The following ZNF138 variants were observed in gnomAD, a reference collection of about 807,000 sequenced individuals.
The protein encoded by ZNF138 is zinc finger protein 138 (clone pHZ-32).
Under a neutral mutation model 33.0 loss-of-function variants are expected in ZNF138, and 33 were observed. That is an observed-to-expected ratio of 1.00 (90% CI 0.76 to 1.34). The LOEUF (loss-of-function observed/expected upper bound fraction) is 1.34, where lower values mean the gene tolerates loss of function less well. Among genes scored for constraint, ZNF138 ranks in the 40% most tolerant of loss-of-function variants. ZNF138 has a pLI of 0.00. For missense variants in ZNF138, 360 were observed against 370.8 expected, an observed-to-expected ratio of 0.97 and a Z score of 0.24; for synonymous variants, 139 against 120.4, an observed-to-expected ratio of 1.15 and a Z score of -1.01.
chr7:64,800,289 G>A (rs1389158951), intron 1 of ZNF138, among the ~76,000 whole-genome samples: 2 of 152,178 alleles, frequency 1.3e-5, no homozygotes, highest in East Asian at 3.9e-4. Flanking sequence ...ATGGAGAAAT[G>A]CTTCCAGTTT....
intron 1 of ZNF138, among the ~76,000 whole-genome samples, chr7:64,809,730 C>T (rs200673529): frequency 0.97 from 122,492 of 126,078 alleles, 59,512 homozygotes; most frequent in Non-Finnish European, 0.99. Context: ...AGGGTCTCCT[C>T]ACTTCTCAGA....
intron 1 of ZNF138, among the ~76,000 whole-genome samples, chr7:64,801,727 A>G (rs1384816287): frequency 1.3e-5 from 2 of 152,152 alleles, no homozygotes; most frequent in East Asian, 1.9e-4. Context: ...TGCCTCAATA[A>G]TGTGTCTAAT....
chr7:64,827,251 C>CTTTT (rs35317442), intron 3 of ZNF138, among the ~76,000 whole-genome samples: 10 of 144,680 alleles, frequency 6.9e-5, no homozygotes, highest in Non-Finnish European at 1.4e-4. Flanking sequence ...CACCATGAAA[C>CTTTT]TTTTTTTTTT....
intron 1 of ZNF138, among the ~76,000 whole-genome samples, chr7:64,797,659 C>G (rs2128982835): frequency 6.6e-6 from 1 of 152,214 alleles, no homozygotes; most frequent in Middle Eastern, 3.4e-3. Context: ...CAGGCAGATG[C>G]AGTAAACATT....
intron 3 of ZNF138, among the ~76,000 whole-genome samples, chr7:64,824,090 T>A (rs1789382771): frequency 6.6e-6 from 1 of 152,246 alleles, no homozygotes; most frequent in African/African-American, 2.4e-5. Context: ...GGTTTGGATG[T>A]CCATGTTCTC....
At chr7:64,815,203 A>G (rs1016632204) in intron 2 of ZNF138, among the ~76,000 whole-genome samples, 159 bp downstream of exon 2, 1 of 151,980 alleles carries the variant, frequency 6.6e-6, no homozygotes. Context: ...GTAGAAAACA[A>G]TTTCTTTAAG....
chr7:64,838,165 A>G (rs963116757), downstream of ZNF138, among the ~76,000 whole-genome samples: 2 of 152,152 alleles, frequency 1.3e-5, no homozygotes, highest in African/African-American at 2.4e-5. Context: ...GGGCCTCTTC[A>G]GTCGTCATCC....
At chr7:64,824,558 T>G (rs1665882590) in intron 3 of ZNF138, among the ~76,000 whole-genome samples, 1 of 152,248 alleles carries the variant, frequency 6.6e-6, no homozygotes, top group African/African-American at 2.4e-5. Flanking sequence ...GGGTCTTGAT[T>G]TCTGCAATTA....
chr7:64,834,481 GTTACAA>G (rs1465622785), downstream of ZNF138, among the ~76,000 whole-genome samples: 2 of 152,040 alleles, frequency 1.3e-5, no homozygotes, highest in Non-Finnish European at 1.5e-5. Flanking sequence ...TTTTTGCAGA[GTTACAA>G]TTACATTCAA....
chr7:64,844,796 C>T, the ZNF138 span, among the ~76,000 whole-genome samples: 4 of 152,246 alleles, frequency 2.6e-5, no homozygotes, highest in South Asian at 4.1e-4. Context: ...AAGTGATTCT[C>T]CTGCCTCAGC....
the ZNF138 span, among the ~76,000 whole-genome samples, chr7:64,848,557 A>T: frequency 9.1e-4 from 137 of 151,018 alleles, 2 homozygotes; most frequent in Non-Finnish European, 1.5e-4. Flanking sequence ...TATTTCTTGT[A>T]TTTTTTTTAT....
chr7:64,796,924 C>T (rs1786735008), intron 1 of ZNF138, among the ~76,000 whole-genome samples: 2 of 152,168 alleles, frequency 1.3e-5, no homozygotes, highest in South Asian at 2.1e-4. Flanking sequence ...GTGATAGGCA[C>T]CTGTAATCCC....
chr7:64,794,702 A>G, intron 1 of ZNF138, 131 bp downstream of exon 1: 1 of 1,370,432 alleles, frequency 7.3e-7, no homozygotes, highest in South Asian at 1.2e-5. Flanking sequence ...TTCTTGGCAC[A>G]GCTCGGCCCT....
downstream of ZNF138, chr7:64,836,014 G>A (rs1441881281): frequency 6.6e-6 from 1 of 152,262 alleles, no homozygotes; most frequent in Non-Finnish European, 1.5e-5. Context: ...GTGATTACCA[G>A]TTGAGTTAAG....
chr7:64,824,094 T>C (rs1205229373), intron 3 of ZNF138, among the ~76,000 whole-genome samples: 1 of 152,236 alleles, frequency 6.6e-6, no homozygotes, highest in Non-Finnish European at 1.5e-5. Context: ...TGGATGTCCA[T>C]GTTCTCCAAA....
the ZNF138 span, among the ~76,000 whole-genome samples, chr7:64,839,548 ACT>A: frequency 6.6e-6 from 1 of 151,904 alleles, no homozygotes; most frequent in African/African-American, 2.4e-5. Context: ...GAGGAAGGAA[ACT>A]CTCCCTGGGT....
At chr7:64,853,833 A>G in the ZNF138 span, among the ~76,000 whole-genome samples, 1,397 of 152,078 alleles carry the variant, frequency 9.2e-3, 15 homozygotes, top group African/African-American at 0.032. Context: ...TTGCAGAGAA[A>G]GAAACACAGC....
intron 3 of ZNF138, chr7:64,831,015 T>G (rs1198165592): frequency 6.4e-7 from 1 of 1,551,986 alleles, no homozygotes; most frequent in Non-Finnish European, 8.7e-7. Context: ...GTTTCAGCAC[T>G]TTATGTCATG....
chr7:64,840,312 T>G, the ZNF138 span, among the ~76,000 whole-genome samples: 1 of 152,164 alleles, frequency 6.6e-6, no homozygotes, highest in Admixed American at 6.5e-5. Context: ...AACAATAGAC[T>G]ATTTGATAAC....
Sources: allele counts gnomAD v4.1 joint callset (sites outside exome capture counted in the v4.1 genomes callset), GRCh38; gene constraint gnomAD v4.1.1; transcripts MANE v1.5; gene names NCBI Gene and HGNC (gene_info 2026-07-23, HGNC 2026-07-21).